The following SERINC5 variants were observed in gnomAD, a reference collection of about 807,000 sequenced individuals.
SERINC5 encodes the protein chromosome 5 open reading frame 12.
A neutral mutation model predicts 63.1 loss-of-function variants in SERINC5; 41 were observed. That is an observed-to-expected ratio of 0.65 (90% CI 0.51 to 0.84). The LOEUF (loss-of-function observed/expected upper bound fraction) is 0.84. Ranked by LOEUF, SERINC5 falls within the 40% of genes least tolerant of loss-of-function variation. SERINC5 has a pLI of 0.00. For missense variants in SERINC5, 523 were observed against 573.0 expected, an observed-to-expected ratio of 0.91 and a Z score of 0.89; for synonymous variants, 222 against 215.2, an observed-to-expected ratio of 1.03 and a Z score of -0.28.
intron 8 of SERINC5, chr5:80,157,908 A>G (rs1329225537): frequency 6.6e-6 from 1 of 152,206 alleles, no homozygotes; most frequent in Non-Finnish European, 1.5e-5. Context: ...TCCCTTTCTA[A>G]TAGTAGAAGT....
chr5:80,161,034 G>T (rs745327925), intron 7 of SERINC5, among the ~76,000 whole-genome samples: 4 of 116,800 alleles, frequency 3.4e-5, no homozygotes, highest in Non-Finnish European at 6.4e-5. Context: ...ATATACACAC[G>T]TGTATATATA....
downstream of SERINC5, among the ~76,000 whole-genome samples, chr5:80,137,403 G>A (rs1476679388): frequency 6.6e-6 from 1 of 152,008 alleles, no homozygotes; most frequent in Non-Finnish European, 1.5e-5. Context: ...CACTTTGGGA[G>A]GCCAAGACAG....
At position 80,176,066 on chromosome 5, in the gene SERINC5, C is replaced by A. The variant is rs142716545; in HGVS notation, c.458-1019G>T. Reference sequence around the variant, plus strand: ...TGGTGGTGCGTGCCTATAGTCCCAGCTACTCGGGAGGCTGAGGCAGAAGAA... The same window carrying A: ...TGGTGGTGCGTGCCTATAGTCCCAGATACTCGGGAGGCTGAGGCAGAAGAA... On this transcript the variant is annotated intron_variant, in intron 4 of 11. Transcript: ENST00000507668. Among the ~76,000 whole-genome samples, 75 of 152,004 alleles carry A rather than the reference C, an allele frequency of 4.9e-4. 3 individuals are homozygous for A. In the East Asian group the frequency reaches 0.015, roughly 30 times the overall value.
intron 5 of SERINC5, among the ~76,000 whole-genome samples, chr5:80,172,009 C>T (rs1747700437): frequency 1.3e-5 from 2 of 152,028 alleles, no homozygotes; most frequent in South Asian, 2.1e-4. Context: ...AAAATGAACC[C>T]GATAAATATG....
chr5:80,200,558 G>T (rs912614975), intron 2 of SERINC5, among the ~76,000 whole-genome samples: 2 of 151,892 alleles, frequency 1.3e-5, no homozygotes, highest in African/African-American at 4.8e-5. Context: ...TCCATTTCTC[G>T]CAAGTGTGAA....
chr5:80,214,486 A>AT (rs1263406070), intron 1 of SERINC5, among the ~76,000 whole-genome samples: 1 of 152,148 alleles, frequency 6.6e-6, no homozygotes, highest in Non-Finnish European at 1.5e-5. Flanking sequence ...CAATGAGTAA[A>AT]TCAAACCTAC....
intron 5 of SERINC5, among the ~76,000 whole-genome samples, chr5:80,173,581 ACGAGACT>A (rs1312435409): frequency 6.6e-6 from 1 of 151,742 alleles, no homozygotes; most frequent in African/African-American, 2.4e-5. Flanking sequence ...GGGCGACAGA[ACGAGACT>A]CTGTCTCAAA....
At chr5:80,213,906 C>T (rs1308503191) in intron 1 of SERINC5, among the ~76,000 whole-genome samples, 4 of 151,948 alleles carry the variant, frequency 2.6e-5, no homozygotes, top group Non-Finnish European at 5.9e-5. Flanking sequence ...CTGGGAATAC[C>T]GCAGTAAACA....
chr5:80,140,853 C>T lies in SERINC5; in HGVS notation c.*2810G>A. The T allele has an allele frequency of 2.0e-6, 2 of 985,380 alleles. No individual in the cohort carries two copies. The highest frequency in any genetic ancestry group is 2.4e-6 in the Non-Finnish European group (2 of 829,926). The allele number at this position is 985,380 out of a possible 1,614,324, so 61.0% of individuals were successfully genotyped here. A position where few individuals can be genotyped will look rare whatever the true frequency, so the allele number is the denominator to read the frequency against. On this transcript the variant is annotated 3_prime_UTR_variant, in exon 12 of 12. Transcript: ENST00000507668. ...AAAAAGTCCTCTTCAACTGTCATCC[C>T]TAAATGTGTCTGACCAGCAGCTTCT...
chr5:80,148,176 CGTATTTT>C (rs1745940117), intron 9 of SERINC5, among the ~76,000 whole-genome samples: 1 of 132,332 alleles, frequency 7.6e-6, no homozygotes, highest in Non-Finnish European at 1.6e-5. Context: ...TGGTACCTTG[CGTATTTT>C]TTATTCTTTT....
At chr5:80,185,237 C>T (rs1457707588) in intron 2 of SERINC5, among the ~76,000 whole-genome samples, 1 of 152,042 alleles carries the variant, frequency 6.6e-6, no homozygotes, top group African/African-American at 2.4e-5. Context: ...TCAAAGCAAC[C>T]AAACTCAAAG....
intron 1 of SERINC5, among the ~76,000 whole-genome samples, chr5:80,216,626 T>A (rs1287186180): frequency 6.6e-6 from 1 of 152,052 alleles, no homozygotes; most frequent in Non-Finnish European, 1.5e-5. Context: ...GAAAAAGGTA[T>A]AAGAAAATGA....
chr5:80,187,416 A>G (rs1748879915), intron 2 of SERINC5, among the ~76,000 whole-genome samples: 1 of 152,096 alleles, frequency 6.6e-6, no homozygotes, highest in African/African-American at 2.4e-5. Flanking sequence ...CAAACTTTCC[A>G]GGATAGTTTG....
chr5:80,234,070 A>G (rs187092304), intron 1 of SERINC5, among the ~76,000 whole-genome samples: 30 of 152,096 alleles, frequency 2.0e-4, no homozygotes, highest in African/African-American at 6.7e-4. Context: ...TCAGCCTCCC[A>G]AAGTGCTGGG....
chr5:80,202,744 G>A (rs1324313077), intron 2 of SERINC5, 142 bp downstream of exon 2: 1 of 648,030 alleles, frequency 1.5e-6, no homozygotes, highest in South Asian at 2.7e-5. Flanking sequence ...AAAGCATAGA[G>A]CAGGCTTCAG....
chr5:80,255,558 C>T (rs965422930), intron 1 of SERINC5, among the ~76,000 whole-genome samples: 1 of 152,194 alleles, frequency 6.6e-6, no homozygotes, highest in Non-Finnish European at 1.5e-5. Context: ...CTACGGAGCT[C>T]AGCGCTATTC....
intron 6 of SERINC5, among the ~76,000 whole-genome samples, chr5:80,168,610 T>C (rs1446187354): frequency 1.3e-5 from 2 of 152,188 alleles, no homozygotes; most frequent in African/African-American, 4.8e-5. Context: ...TTTCATCACC[T>C]ATAGGGTCCG....
intron 1 of SERINC5, among the ~76,000 whole-genome samples, chr5:80,226,285 C>T (rs144287221): frequency 1.3e-3 from 195 of 152,172 alleles, no homozygotes; most frequent in African/African-American, 4.2e-3. Flanking sequence ...CCACTGCATC[C>T]GGCCAAAAAT....
At chr5:80,162,353 CT>C (rs1746992220) in intron 7 of SERINC5, among the ~76,000 whole-genome samples, 1 of 152,144 alleles carries the variant, frequency 6.6e-6, no homozygotes, top group South Asian at 2.1e-4. Flanking sequence ...CATGGGATGT[CT>C]TTCCATTCGC....
Sources: gnomAD v4.1 joint callset for allele counts (sites outside exome capture counted in the v4.1 genomes callset) on GRCh38, gnomAD v4.1.1 for gene constraint, MANE v1.5 for transcripts, NCBI Gene and HGNC (gene_info 2026-07-23, HGNC 2026-07-21) for gene names.